The following ATRNL1 variants were observed in gnomAD, a reference collection of about 807,000 sequenced individuals.
ATRNL1 encodes the protein attractin like 1, also known as attractin-like protein 1.
Under a neutral mutation model 182.7 loss-of-function variants are expected in ATRNL1, and 95 were observed. The ratio of observed to expected loss-of-function variants is 0.52; its 90% CI spans 0.44 to 0.62. ATRNL1 has a LOEUF of 0.62. Among genes scored for constraint, ATRNL1 ranks in the 20% least tolerant of loss-of-function variants. The pLI is 0.00. For synonymous variants in ATRNL1, 576 were observed against 568.3 expected (o/e 1.01, Z -0.19); for missense variants, 1,471 against 1,679.5 (o/e 0.88, Z 2.17).
intron 10 of ATRNL1, among the ~76,000 whole-genome samples, chr10:115,243,533 A>G (rs1850509014): frequency 6.6e-6 from 1 of 152,096 alleles, no homozygotes; most frequent in African/African-American, 2.4e-5. Context: ...TGCCAAAGCC[A>G]TGCAGGTAGT....
intron 28 of ATRNL1, among the ~76,000 whole-genome samples, chr10:115,869,505 G>C (rs576706340): frequency 2.0e-5 from 3 of 152,170 alleles, no homozygotes; most frequent in Non-Finnish European, 4.4e-5. Context: ...GGGGCCAGGG[G>C]TGTTGGGATA....
intron 26 of ATRNL1, among the ~76,000 whole-genome samples, chr10:115,605,740 A>G (rs1306752430): frequency 2.0e-5 from 3 of 151,832 alleles, no homozygotes; most frequent in Non-Finnish European, 4.4e-5. Flanking sequence ...AATATCAGTG[A>G]CTCTCATTCA....
At chr10:115,307,582 C>T (rs1853798636) in intron 17 of ATRNL1, among the ~76,000 whole-genome samples, 2 of 152,100 alleles carry the variant, frequency 1.3e-5, no homozygotes, top group African/African-American at 2.4e-5. Flanking sequence ...TTTTATTATA[C>T]ACCCTGTGTG....
intron 26 of ATRNL1, among the ~76,000 whole-genome samples, chr10:115,705,626 T>C (rs782143951): frequency 7.2e-5 from 11 of 151,876 alleles, no homozygotes; most frequent in Non-Finnish European, 1.2e-4. Context: ...TACTATAAGA[T>C]TATTGTCTTT....
At chr10:115,369,535 G>A (rs1301232396) in intron 19 of ATRNL1, among the ~76,000 whole-genome samples, 2 of 152,038 alleles carry the variant, frequency 1.3e-5, no homozygotes, top group African/African-American at 2.4e-5. Flanking sequence ...GTAAACATGG[G>A]GAGTGCATAT....
At chr10:115,411,945 A>G (rs1488756449) in intron 20 of ATRNL1, among the ~76,000 whole-genome samples, 1 of 152,112 alleles carries the variant, frequency 6.6e-6, no homozygotes. Flanking sequence ...TTAATTATCT[A>G]TGACTTCTGG....
Position 115,296,277 on chromosome 10 carries a change from C to T in ATRNL1, c.2416-3757C>T, listed in dbSNP as rs376019888. 6.6e-4 allele frequency among the ~76,000 whole-genome samples: 101 copies of T among 152,250 alleles called. 1 individual carries two copies. The South Asian group carries it at 0.02, about 31-fold the overall frequency. On this transcript the variant is annotated intron_variant, in intron 15 of 28. Transcript: ENST00000355044. ...TGCCTTTCTGGACTTCCATTCACCA[C>T]AGGTGCATCTCCACTCCCCCACTGC...
Position 115,171,135 on chromosome 10 carries a change from A to C in ATRNL1, c.1191A>C (p.Thr397=). 6.8e-6 allele frequency: 11 copies of C among 1,610,812 alleles called. No individual in the cohort carries two copies. Among genetic ancestry groups the C allele is most frequent in the Non-Finnish European group, 8.5e-6 (10 of 1,177,828 alleles). ...ACATACATAGTCAGTCATGGAGTACAAAAACTCCTACTGTTCTTGGACATG... is the reference window on the plus strand; with the variant it reads ...ACATACATAGTCAGTCATGGAGTACCAAAACTCCTACTGTTCTTGGACATG... The part of the protein sequence containing the change: ...VFNIHSQSWS[T]KTPTVLGHGQ... The change falls in exon 8 of 29, where the codon ACA becomes ACC. Residue 397 remains threonine (T), a synonymous_variant. Transcript: ENST00000355044.
At chr10:115,272,612 C>T (rs915544335) in intron 13 of ATRNL1, among the ~76,000 whole-genome samples, 17 of 152,140 alleles carry the variant, frequency 1.1e-4, no homozygotes, top group African/African-American at 4.1e-4. Context: ...CTCCCATTTC[C>T]ACCCCTTGAT....
intron 8 of ATRNL1, among the ~76,000 whole-genome samples, chr10:115,196,596 C>T (rs1554891136): frequency 6.6e-6 from 1 of 151,914 alleles, no homozygotes; most frequent in South Asian, 2.1e-4. Context: ...TCTTTTGTTT[C>T]AGCAGTATTT....
chr10:115,436,788 A>G (rs916271475), intron 21 of ATRNL1, among the ~76,000 whole-genome samples: 2 of 152,168 alleles, frequency 1.3e-5, no homozygotes, highest in South Asian at 4.1e-4. Context: ...TTCATTCTAC[A>G]TTTACTTATT....
intron 24 of ATRNL1, among the ~76,000 whole-genome samples, chr10:115,500,818 G>A (rs1849790587): frequency 6.6e-6 from 1 of 151,880 alleles, no homozygotes; most frequent in African/African-American, 2.4e-5. Flanking sequence ...TGGGATTACA[G>A]GTGTGAACCA....
At chr10:115,886,383 G>A (rs973809111) in intron 28 of ATRNL1, among the ~76,000 whole-genome samples, 8 of 152,222 alleles carry the variant, frequency 5.3e-5, no homozygotes, top group African/African-American at 1.4e-4. Context: ...GTGTGGTGGC[G>A]CATGCCTGTA....
intron 19 of ATRNL1, among the ~76,000 whole-genome samples, chr10:115,348,487 A>C (rs782491192): frequency 2.6e-5 from 4 of 152,202 alleles, no homozygotes; most frequent in Non-Finnish European, 5.9e-5. Context: ...ATATGATTCA[A>C]ACTTTTATGG....
chr10:115,354,057 A>G (rs1345006100), intron 19 of ATRNL1, among the ~76,000 whole-genome samples: 1 of 152,174 alleles, frequency 6.6e-6, no homozygotes, highest in Non-Finnish European at 1.5e-5. Context: ...TCTAACCCGC[A>G]GCTTGTGGGC....
rs1198746322 is a variant in ATRNL1, at chr10:115,389,536, ATG to A, written c.3176-5119_3176-5118del. 6.0e-3 allele frequency among the ~76,000 whole-genome samples: 413 copies of A among 69,048 alleles called. 33 individuals carry two copies. Among genetic ancestry groups the A allele is most frequent in the African/African-American group, 0.029 (337 of 11,716 alleles). 45.3% of individuals were successfully genotyped at this position (69,048 alleles called of 152,430 possible). ...AAAGCTGAATAGTATTCAAATGTGTATGTGTATATATATATATATATATATAT... is the reference window on the plus strand; with the variant it reads ...AAAGCTGAATAGTATTCAAATGTGTATGTATATATATATATATATATATAT... On this transcript the variant is annotated intron_variant, in intron 19 of 28. Transcript: ENST00000355044.
At chr10:115,492,719 C>T (rs1849365228) in intron 24 of ATRNL1, among the ~76,000 whole-genome samples, 1 of 149,584 alleles carries the variant, frequency 6.7e-6, no homozygotes, top group Non-Finnish European at 1.5e-5. Context: ...TCTTGGCCCA[C>T]TGCAAGCTCC....
chr10:115,405,963 A>G (rs554475442), intron 20 of ATRNL1, among the ~76,000 whole-genome samples: 22 of 151,156 alleles, frequency 1.5e-4, no homozygotes, highest in Non-Finnish European at 3.1e-4. Context: ...TGTCCTTGCA[A>G]TAGTTTGCTG....
rs571029008 is a variant in ATRNL1 at position 115,843,406 on chromosome 10, G to T, written c.3904-4471G>T. On this transcript the variant is annotated intron_variant, in intron 27 of 28. Transcript: ENST00000355044. ...TTATTCAAAGTAGAAAATAAAGAGGGTCACAAAAGTTAAAGTTAAAGAACT... is the reference window on the plus strand; with the variant it reads ...TTATTCAAAGTAGAAAATAAAGAGGTTCACAAAAGTTAAAGTTAAAGAACT... Among the ~76,000 whole-genome samples, 14 of 152,078 alleles carry T rather than the reference G, an allele frequency of 9.2e-5. No individual in the cohort carries two copies. The South Asian group carries it at 2.5e-3, about 27-fold the overall frequency.
Sources: gnomAD v4.1 joint callset for allele counts (sites outside exome capture counted in the v4.1 genomes callset) on GRCh38, gnomAD v4.1.1 for gene constraint, MANE v1.5 for transcripts, NCBI Gene and HGNC (gene_info 2026-07-23, HGNC 2026-07-21) for gene names.